Variants in SLIT3 observed in about 807,000 individuals in gnomAD.
The protein encoded by SLIT3 is slit homolog 3 protein.
In SLIT3, 68 loss-of-function variants were observed where a neutral mutation model predicts 184.0. The ratio of observed to expected loss-of-function variants is 0.37; its 90% CI spans 0.30 to 0.45. SLIT3 has a LOEUF of 0.45. Among genes scored for constraint, SLIT3 ranks in the 20% least tolerant of loss-of-function variants. The pLI, the probability that SLIT3 is intolerant of heterozygous loss-of-function variation, is 1.00. For missense variants in SLIT3, 1,707 were observed against 2,026.0 expected (o/e 0.84, Z 3.02); for synonymous variants, 831 against 828.6 (o/e 1.00, Z -0.05).
At chr5:169,064,640 C>G (rs889419202) in intron 4 of SLIT3, among the ~76,000 whole-genome samples, 1 of 152,062 alleles carries the variant, frequency 6.6e-6, no homozygotes, top group Non-Finnish European at 1.5e-5. Flanking sequence ...ATGAGTGTTA[C>G]GGCTTCCCGT....
At chr5:169,068,441 T>C (rs146606599) in intron 4 of SLIT3, among the ~76,000 whole-genome samples, 7 of 152,274 alleles carry the variant, frequency 4.6e-5, no homozygotes, top group Non-Finnish European at 8.8e-5. Context: ...GAGAATAATG[T>C]AGATCACTAA....
At chr5:169,115,673 C>T (rs140496016) in intron 4 of SLIT3, among the ~76,000 whole-genome samples, 14 of 152,314 alleles carry the variant, frequency 9.2e-5, no homozygotes, top group East Asian at 1.9e-4. Flanking sequence ...TAATCATACA[C>T]TGAGCACTAT....
intron 11 of SLIT3, among the ~76,000 whole-genome samples, chr5:168,787,517 G>A (rs1756199714): frequency 6.6e-6 from 1 of 152,102 alleles, no homozygotes; most frequent in Non-Finnish European, 1.5e-5. Context: ...CTCTTCCTTG[G>A]GAGGTGTCTC....
chr5:169,092,336 G>A lies in SLIT3; in HGVS notation c.413+101143C>T, dbSNP rs184520602. Among the ~76,000 whole-genome samples, 127 of 152,344 alleles carry A rather than the reference G, an allele frequency of 8.3e-4. 1 individual carries two copies. Among genetic ancestry groups the A allele is most frequent in the Non-Finnish European group, 2.1e-4 (14 of 68,028 alleles). ...AGGGACCAAGGATGGTGAGTAAATG[G>A]CCATGAGGAGTGGCAGTGTTTCTGG... On this transcript the variant is annotated intron_variant, in intron 4 of 35. Coordinates refer to ENST00000519560, the MANE Select transcript of SLIT3 (RefSeq NM_003062.4).
intron 13 of SLIT3, among the ~76,000 whole-genome samples, chr5:168,773,608 G>GC (rs11419500): frequency 0.023 from 3,444 of 152,258 alleles, 144 homozygotes; most frequent in African/African-American, 0.078. Context: ...GCAGACCTGG[G>GC]CATGGGGCTG....
chr5:168,716,645 A>G (rs192933842), intron 23 of SLIT3, among the ~76,000 whole-genome samples: 4 of 152,362 alleles, frequency 2.6e-5, no homozygotes, highest in Non-Finnish European at 5.9e-5. Flanking sequence ...AGGACTGCAG[A>G]GGAGACATTG....
intron 32 of SLIT3, among the ~76,000 whole-genome samples, chr5:168,681,654 G>C (rs746467782): frequency 3.3e-5 from 5 of 152,176 alleles, no homozygotes; most frequent in Non-Finnish European, 7.3e-5. Context: ...GCAATTCTCT[G>C]ACTTTCCATT....
chr5:168,961,673 G>T (rs1315582234), intron 4 of SLIT3, among the ~76,000 whole-genome samples: 1 of 152,124 alleles, frequency 6.6e-6, no homozygotes, highest in Non-Finnish European at 1.5e-5. Context: ...AAGGCTCTGT[G>T]GTGCAGAAAG....
intron 3 of SLIT3, among the ~76,000 whole-genome samples, chr5:169,210,705 T>A (rs1764235365): frequency 6.6e-6 from 1 of 151,900 alleles, no homozygotes; most frequent in African/African-American, 2.4e-5. Context: ...AATGAATGAA[T>A]CAAAGTAAGA....
intron 4 of SLIT3, among the ~76,000 whole-genome samples, chr5:169,169,522 C>T (rs1762752288): frequency 6.6e-6 from 1 of 152,174 alleles, no homozygotes; most frequent in Non-Finnish European, 1.5e-5. Context: ...GCAAAAAGGT[C>T]TGAGGCCAGG....
intron 4 of SLIT3, among the ~76,000 whole-genome samples, chr5:169,188,998 A>G (rs1183479130): frequency 6.6e-6 from 1 of 152,172 alleles, no homozygotes; most frequent in East Asian, 1.9e-4. Flanking sequence ...CTACGTCAGG[A>G]TGGCAGGGGA....
intron 4 of SLIT3, among the ~76,000 whole-genome samples, chr5:169,072,223 G>A (rs1251561702): frequency 6.6e-6 from 1 of 152,166 alleles, no homozygotes; most frequent in Non-Finnish European, 1.5e-5. Context: ...GAGCAGCAGA[G>A]AATAATGATA....
intron 5 of SLIT3, among the ~76,000 whole-genome samples, chr5:168,872,468 T>C (rs1487304310): frequency 1.3e-5 from 2 of 152,136 alleles, no homozygotes; most frequent in African/African-American, 2.4e-5. Flanking sequence ...AAGGTGTTAA[T>C]AGCAAGAGAA....
At chr5:169,085,613 AAGG>A (rs1759261403) in intron 4 of SLIT3, among the ~76,000 whole-genome samples, 1 of 152,308 alleles carries the variant, frequency 6.6e-6, no homozygotes, top group African/African-American at 2.4e-5. Flanking sequence ...TGGAAATAAG[AAGG>A]AGGTTACCGC....
At chr5:169,145,613 CAG>C (rs973280732) in intron 4 of SLIT3, among the ~76,000 whole-genome samples, 2 of 152,196 alleles carry the variant, frequency 1.3e-5, no homozygotes, top group African/African-American at 4.8e-5. Context: ...GGCTAAGAAA[CAG>C]AGAGGGATGC....
At chr5:169,012,641 A>G (rs996622518) in intron 4 of SLIT3, 4 of 152,204 alleles carry the variant, frequency 2.6e-5, no homozygotes, top group African/African-American at 9.7e-5. Flanking sequence ...CCCCCACACC[A>G]TTTATTCATC....
intron 4 of SLIT3, among the ~76,000 whole-genome samples, chr5:168,927,335 A>G (rs527808407): frequency 6.6e-6 from 1 of 152,112 alleles, no homozygotes; most frequent in Non-Finnish European, 1.5e-5. Context: ...ACAGAGACAG[A>G]GACTAGTAGT....
chr5:168,742,545 G>T lies in SLIT3; in HGVS notation c.2270+5757C>A, dbSNP rs1354677635. On this transcript the variant is annotated intron_variant, in intron 20 of 35. Coordinates refer to ENST00000519560, the MANE Select transcript of SLIT3 (RefSeq NM_003062.4). ...AGACATACCAGCTGCACACTTTCAGGCTTCTACTCTATGTGGGTAACTCCC... is the reference window on the plus strand; with the variant it reads ...AGACATACCAGCTGCACACTTTCAGTCTTCTACTCTATGTGGGTAACTCCC... 9.4e-5 allele frequency among the ~76,000 whole-genome samples: 11 copies of T among 117,368 alleles called. 3 individuals carry two copies. Among genetic ancestry groups the T allele is most frequent in the Non-Finnish European group, 1.7e-4 (10 of 57,996 alleles). The allele number at this position is 117,368 out of a possible 152,430, so 77.0% of individuals were successfully genotyped here.
At chr5:168,747,036 T>C (rs1372186096) in intron 20 of SLIT3, among the ~76,000 whole-genome samples, 1 of 151,582 alleles carries the variant, frequency 6.6e-6, no homozygotes, top group Non-Finnish European at 1.5e-5. Flanking sequence ...TGTGGGTGTG[T>C]TGCTGCTCAG....
Sources: gnomAD v4.1 joint callset for allele counts (sites outside exome capture counted in the v4.1 genomes callset) on GRCh38, gnomAD v4.1.1 for gene constraint, MANE v1.5 for transcripts, NCBI Gene and HGNC (gene_info 2026-07-23, HGNC 2026-07-21) for gene names.